The following FAM83B variants were observed in gnomAD, a reference collection of about 807,000 sequenced individuals.
FAM83B encodes the protein scaffolding CK1 anchoring protein B.
In FAM83B, 26 loss-of-function variants were observed where a neutral mutation model predicts 38.8. The observed-to-expected ratio is 0.67, with a 90% CI of 0.49 to 0.93. FAM83B has a LOEUF of 0.93. Among genes scored for constraint, FAM83B ranks in the 40% least tolerant of loss-of-function variants. The pLI is 0.00. For missense variants in FAM83B, 1,237 were observed against 1,197.3 expected (o/e 1.03, Z -0.49); for synonymous variants, 419 against 423.1 (o/e 0.99, Z 0.12).
intron 1 of FAM83B, among the ~76,000 whole-genome samples, chr6:54,857,050 T>C (rs757686268): frequency 6.6e-6 from 1 of 152,364 alleles, no homozygotes; most frequent in African/African-American, 2.4e-5. Flanking sequence ...TGCCACTAAA[T>C]GTATGTAACA....
intron 2 of FAM83B, among the ~76,000 whole-genome samples, chr6:54,879,595 G>A (rs1157798968): frequency 6.6e-6 from 1 of 152,066 alleles, no homozygotes; most frequent in Non-Finnish European, 1.5e-5. Flanking sequence ...AGACAGCGGG[G>A]GAGCGTGAGA....
At chr6:54,886,819 A>C (rs1275375976) in intron 2 of FAM83B, among the ~76,000 whole-genome samples, 3 of 151,572 alleles carry the variant, frequency 2.0e-5, no homozygotes, top group Admixed American at 2.0e-4. Context: ...TCAGTGTTTT[A>C]GTTTATAATA....
At chr6:54,925,583 AT>A (rs1160614828) in intron 2 of FAM83B, among the ~76,000 whole-genome samples, 1 of 151,788 alleles carries the variant, frequency 6.6e-6, no homozygotes, top group Non-Finnish European at 1.5e-5. Context: ...TCTTTTGCTT[AT>A]TTTATCTGCT....
Position 54,862,075 on chromosome 6 carries a change from GT to G in FAM83B, c.-60-8111del, listed in dbSNP as rs747827222. ...GACATTAGGGTCTAAGAAAACCCAG[GT>G]GGGGTCATAATGGGTTTGTTTTCGT... On this transcript the variant is annotated intron_variant, in intron 1 of 4. Transcript: ENST00000306858. 2.6e-5 allele frequency among the ~76,000 whole-genome samples: 4 copies of G among 152,162 alleles called. No homozygotes were observed. The East Asian group carries it at 5.8e-4, about 22-fold the overall frequency.
intron 2 of FAM83B, among the ~76,000 whole-genome samples, chr6:54,889,775 A>C (rs745778956): frequency 6.6e-6 from 1 of 152,078 alleles, no homozygotes; most frequent in African/African-American, 2.4e-5. Context: ...TTCTTCATAA[A>C]CTTAGAGAAT....
At chr6:54,860,736 G>A (rs1368133330) in intron 1 of FAM83B, among the ~76,000 whole-genome samples, 1 of 152,202 alleles carries the variant, frequency 6.6e-6, no homozygotes, top group African/African-American at 2.4e-5. Context: ...GTGTAAGTGT[G>A]TGTATAAATA....
At chr6:54,854,413 C>A (rs1231709145) in intron 1 of FAM83B, among the ~76,000 whole-genome samples, 1 of 152,050 alleles carries the variant, frequency 6.6e-6, no homozygotes, top group Non-Finnish European at 1.5e-5. Context: ...TCGTTATTGT[C>A]TTATTTTAAG....
chr6:54,941,667 C>G lies in FAM83B; in HGVS notation c.2696C>G (p.Ser899Ter), dbSNP rs776372074. The G allele has an allele frequency of 1.2e-5, 20 of 1,613,946 alleles. No individual in the cohort carries two copies. In the South Asian group the frequency reaches 2.0e-4, roughly 16 times the overall value. Residue 899 changes from serine to a stop codon, truncating the protein, a stop_gained, in exon 5 of 5, where the codon TCA becomes TGA. Coordinates refer to ENST00000306858, the MANE Select transcript of FAM83B (RefSeq NM_001010872.3). LOFTEE classifies it high-confidence loss of function. ...ACTGAACAGATCCAATACCGAGATTCAAGGGAGATTAATGCAGTTGTTACC... is the reference window on the plus strand; with the variant it reads ...ACTGAACAGATCCAATACCGAGATTGAAGGGAGATTAATGCAGTTGTTACC... ...FNTEQIQYRD[S>*]REINAVVTPE...
intron 2 of FAM83B, among the ~76,000 whole-genome samples, chr6:54,877,639 A>T (rs1226424713): frequency 3.3e-5 from 5 of 152,224 alleles, no homozygotes. Flanking sequence ...ATCAGGTAAC[A>T]TGTATTGAGC....
Position 54,865,196 on chromosome 6 carries a change from A to G in FAM83B, c.-60-4991A>G, listed in dbSNP as rs567817751. Among the ~76,000 whole-genome samples, 176 of 152,330 alleles carry G rather than the reference A, an allele frequency of 1.2e-3. 1 individual carries two copies. The highest frequency in any genetic ancestry group is 4.4e-3 in the Admixed American group (67 of 15,306). On this transcript the variant is annotated intron_variant, in intron 1 of 4. Transcript: ENST00000306858. ...TGCTTCTGAAGTCTAGATGTTTGGAATCAGAGTGTCAGCAGGGCCATGCTC... is the reference window on the plus strand; with the variant it reads ...TGCTTCTGAAGTCTAGATGTTTGGAGTCAGAGTGTCAGCAGGGCCATGCTC...
At chr6:54,896,015 C>A (rs1191254041) in intron 2 of FAM83B, among the ~76,000 whole-genome samples, 2 of 152,254 alleles carry the variant, frequency 1.3e-5, no homozygotes, top group East Asian at 3.9e-4. Flanking sequence ...CCTCAGCATC[C>A]CTGGTAGCTG....
chr6:54,851,335 C>T (rs1329538225), intron 1 of FAM83B, among the ~76,000 whole-genome samples: 3 of 151,766 alleles, frequency 2.0e-5, no homozygotes, highest in Non-Finnish European at 1.5e-5. Flanking sequence ...TTATCTATCC[C>T]TTCTGAGTCC....
chr6:54,886,573 T>C (rs899754780), intron 2 of FAM83B, among the ~76,000 whole-genome samples: 2 of 152,036 alleles, frequency 1.3e-5, no homozygotes, highest in African/African-American at 4.8e-5. Flanking sequence ...CATAAAATTG[T>C]TTATAATATC....
At chr6:54,927,868 C>T (rs905516940) in intron 4 of FAM83B, among the ~76,000 whole-genome samples, 7 of 151,820 alleles carry the variant, frequency 4.6e-5, no homozygotes, top group African/African-American at 1.7e-4. Flanking sequence ...ATTGTTCATC[C>T]AGAACATGAA....
chr6:54,942,934 G>A lies in FAM83B; in HGVS notation c.*927G>A, dbSNP rs190281806. On this transcript the variant is annotated 3_prime_UTR_variant, in exon 5 of 5. Transcript: ENST00000306858. ...TTTTTTTCTTTTGAGATGGAGTCTC[G>A]CTCTGTCACCCAGGCTAGAGTGCAG... Among the ~76,000 whole-genome samples, 495 of 150,220 alleles carry A rather than the reference G, an allele frequency of 3.3e-3. 1 individual carries two copies. Among genetic ancestry groups the A allele is most frequent in the Non-Finnish European group, 5.7e-3 (385 of 67,714 alleles).
At chr6:54,874,361 T>C in intron 2 of FAM83B, among the ~76,000 whole-genome samples, 1 of 152,196 alleles carries the variant, frequency 6.6e-6, no homozygotes, top group East Asian at 1.9e-4. Context: ...ACTTGTGCCC[T>C]AAAGGGACAT....
At chr6:54,922,577 T>G (rs1467236584) in intron 2 of FAM83B, among the ~76,000 whole-genome samples, 1 of 151,972 alleles carries the variant, frequency 6.6e-6, no homozygotes, top group East Asian at 1.9e-4. Flanking sequence ...GTTTCTCCCT[T>G]CATCTGGCTC....
chr6:54,903,529 A>T (rs1327815121), intron 2 of FAM83B, among the ~76,000 whole-genome samples: 1 of 152,196 alleles, frequency 6.6e-6, no homozygotes, highest in Non-Finnish European at 1.5e-5. Flanking sequence ...TTTAATTTGC[A>T]GTCATCTGTT....
At chr6:54,880,904 T>G (rs188889929) in intron 2 of FAM83B, among the ~76,000 whole-genome samples, 1 of 152,322 alleles carries the variant, frequency 6.6e-6, no homozygotes, top group East Asian at 1.9e-4. Flanking sequence ...GAGACATACA[T>G]GTATACACAA....
Sources: gnomAD v4.1 joint callset for allele counts (sites outside exome capture counted in the v4.1 genomes callset) on GRCh38, gnomAD v4.1.1 for gene constraint, MANE v1.5 for transcripts, NCBI Gene and HGNC (gene_info 2026-07-23, HGNC 2026-07-21) for gene names.